Variants in TM2D1 observed in about 807,000 individuals in gnomAD.
The protein encoded by TM2D1 is TM2 domain containing 1, also known as TM2 domain-containing protein 1.
Under a neutral mutation model 28.4 loss-of-function variants are expected in TM2D1, and 15 were observed. The ratio of observed to expected loss-of-function variants is 0.53; its 90% CI spans 0.35 to 0.81. The LOEUF (loss-of-function observed/expected upper bound fraction) is 0.81. Ranked by LOEUF, TM2D1 falls within the 40% of genes least tolerant of loss-of-function variation. The pLI is 0.01. For missense variants in TM2D1, 236 were observed against 254.9 expected, an observed-to-expected ratio of 0.93 and a Z score of 0.50; for synonymous variants, 93 against 96.2, an observed-to-expected ratio of 0.97 and a Z score of 0.20.
chr1:61,700,410 G>A, intron 4 of TM2D1: 4 of 1,155,086 alleles, frequency 3.5e-6, no homozygotes, highest in Non-Finnish European at 4.5e-6. Flanking sequence ...AGTAACTATA[G>A]TAAATGTGAT....
chr1:61,700,893 A>G, intron 4 of TM2D1, 41 bp downstream of exon 4: 1 of 1,440,890 alleles, frequency 6.9e-7, no homozygotes, highest in Non-Finnish European at 9.6e-7. Context: ...GAACTAAAAT[A>G]TAGGTTTCAT....
intron 2 of TM2D1, among the ~76,000 whole-genome samples, chr1:61,710,505 C>CACACAT (rs1644471230): frequency 3.1e-5 from 1 of 31,946 alleles, no homozygotes; most frequent in Non-Finnish European, 5.6e-5. Flanking sequence ...TACACACATA[C>CACACAT]ACACACACAC....
intron 2 of TM2D1, among the ~76,000 whole-genome samples, chr1:61,716,102 G>C (rs1355690378): frequency 1.3e-5 from 2 of 151,590 alleles, no homozygotes; most frequent in African/African-American, 2.4e-5. Context: ...ACCACGCCCA[G>C]CCGAGCCCAG....
At chr1:61,721,361 G>A (rs111502459) in intron 2 of TM2D1, among the ~76,000 whole-genome samples, 3,126 of 152,010 alleles carry the variant, frequency 0.021, 112 homozygotes, top group African/African-American at 0.072. Flanking sequence ...GGCCAATACG[G>A]CGAAACCCTG....
intron 2 of TM2D1, among the ~76,000 whole-genome samples, chr1:61,710,055 T>C (rs148107035): frequency 6.6e-6 from 1 of 152,284 alleles, no homozygotes; most frequent in East Asian, 1.9e-4. Flanking sequence ...AACAGCTTTA[T>C]AACCTCATAG....
chr1:61,690,456 C>CAAAAAAAAAAAAAAAAAAAAAAAAACA, intron 5 of TM2D1, among the ~76,000 whole-genome samples: 1 of 60,048 alleles, frequency 1.7e-5, no homozygotes, highest in Non-Finnish European at 2.9e-5. Flanking sequence ...GACTCAGTCT[C>CAAAAAAAAAAAAAAAAAAAAAAAAACA]AAAAAAAAAA....
chr1:61,688,196 G>A (rs151048745), intron 5 of TM2D1, among the ~76,000 whole-genome samples: 8 of 152,202 alleles, frequency 5.3e-5, no homozygotes, highest in East Asian at 1.9e-4. Context: ...ATTGGGATTC[G>A]TCTCAGAACC....
chr1:61,713,482 C>CAA (rs1408870622), intron 2 of TM2D1, among the ~76,000 whole-genome samples: 23 of 29,772 alleles, frequency 7.7e-4, no homozygotes, highest in African/African-American at 2.9e-3. Flanking sequence ...CCCCGCAACT[C>CAA]AAAAACAAAA....
chr1:61,689,390 G>T (rs1000519272), intron 5 of TM2D1, among the ~76,000 whole-genome samples: 7 of 152,006 alleles, frequency 4.6e-5, no homozygotes, highest in Admixed American at 3.9e-4. Context: ...TTGAGACAGG[G>T]TCTCACTCTG....
chr1:61,717,225 G>A (rs57862885), intron 2 of TM2D1, among the ~76,000 whole-genome samples: 8,569 of 151,720 alleles, frequency 0.056, 741 homozygotes, highest in African/African-American at 0.19. Flanking sequence ...ACAATTAGCC[G>A]GGCGTGGTGG....
intron 3 of TM2D1, among the ~76,000 whole-genome samples, chr1:61,706,685 G>A (rs1045944257): frequency 2.0e-5 from 3 of 151,882 alleles, no homozygotes; most frequent in South Asian, 2.1e-4. Flanking sequence ...GCACATGCCT[G>A]TAATCCCAGC....
rs367761397 is a variant in TM2D1, at chr1:61,691,807, C to G, written c.513+2890G>C. Among the ~76,000 whole-genome samples, 22 of 149,614 alleles carry G rather than the reference C, an allele frequency of 1.5e-4. 1 individual carries two copies. In the South Asian group the frequency reaches 4.7e-3, roughly 32 times the overall value. On this transcript the variant is annotated intron_variant, in intron 5 of 6. Coordinates refer to ENST00000606498, the MANE Select transcript of TM2D1 (RefSeq NM_032027.3). ...GTGTGTGCCTGTAATCCCAGCTACTCAGGAGGCTGAGGCAGGAGAAACGCT... is the reference window on the plus strand; with the variant it reads ...GTGTGTGCCTGTAATCCCAGCTACTGAGGAGGCTGAGGCAGGAGAAACGCT...
intron 5 of TM2D1, among the ~76,000 whole-genome samples, chr1:61,689,677 T>C (rs544003558): frequency 6.6e-6 from 1 of 152,278 alleles, no homozygotes; most frequent in Non-Finnish European, 1.5e-5. Flanking sequence ...ATTTTGTTTC[T>C]AAAAATAAAT....
chr1:61,704,406 G>T (rs773383113), intron 3 of TM2D1, among the ~76,000 whole-genome samples: 1 of 151,960 alleles, frequency 6.6e-6, no homozygotes, highest in Non-Finnish European at 1.5e-5. Context: ...GCCAAAAAAA[G>T]AAAGTTTTTT....
chr1:61,709,939 G>A (rs1251273502), intron 2 of TM2D1, among the ~76,000 whole-genome samples: 1 of 152,048 alleles, frequency 6.6e-6, no homozygotes, highest in East Asian at 1.9e-4. Flanking sequence ...TCCCTCTGGG[G>A]TTTGATATAG....
chr1:61,718,468 A>T (rs1644538106), intron 2 of TM2D1, among the ~76,000 whole-genome samples: 1 of 152,346 alleles, frequency 6.6e-6, no homozygotes, highest in African/African-American at 2.4e-5. Flanking sequence ...TGAGGTGTTG[A>T]CCAGTCTATA....
intron 2 of TM2D1, among the ~76,000 whole-genome samples, chr1:61,715,823 A>T (rs980716015): frequency 2.0e-5 from 3 of 150,726 alleles, no homozygotes; most frequent in African/African-American, 7.3e-5. Context: ...TTTTTTTGAG[A>T]CGGAGTCTGG....
intron 3 of TM2D1, among the ~76,000 whole-genome samples, chr1:61,706,834 A>AAAAG (rs71050144): frequency 0.067 from 9,855 of 146,440 alleles, 455 homozygotes; most frequent in East Asian, 0.18. Context: ...TGTCTTAAAA[A>AAAAG]AAAGAAAGAA....
intron 3 of TM2D1, among the ~76,000 whole-genome samples, chr1:61,705,432 C>T (rs1388665690): frequency 2.6e-5 from 4 of 152,162 alleles, no homozygotes; most frequent in African/African-American, 4.8e-5. Flanking sequence ...GCGATCTGCC[C>T]GCCTCAGCCT....
Sources: allele counts gnomAD v4.1 joint callset (sites outside exome capture counted in the v4.1 genomes callset), GRCh38; gene constraint gnomAD v4.1.1; transcripts MANE v1.5; gene names NCBI Gene and HGNC (gene_info 2026-07-23, HGNC 2026-07-21).